ATP13A5: variants seen among roughly 807,000 people sequenced by gnomAD.
The protein encoded by ATP13A5 is probable cation-transporting ATPase 13A5.
A neutral mutation model predicts 150.2 loss-of-function variants in ATP13A5; 149 were observed. That is an observed-to-expected ratio of 0.99 (90% confidence interval 0.87 to 1.14). The LOEUF (loss-of-function observed/expected upper bound fraction) is 1.14, where lower values mean the gene tolerates loss of function less well. Among genes scored for constraint, ATP13A5 ranks in the 50% most tolerant of loss-of-function variants. The pLI is 0.00. For synonymous variants in ATP13A5, 497 were observed against 522.2 expected (o/e 0.95, Z 0.66); for missense variants, 1,383 against 1,449.3 (o/e 0.95, Z 0.74).
chr3:193,318,248 A>G (rs1719125733), intron 17 of ATP13A5, among the ~76,000 whole-genome samples: 1 of 152,242 alleles, frequency 6.6e-6, no homozygotes, highest in Admixed American at 6.5e-5. Context: ...TTTTACATGA[A>G]GGAGCTAGCT....
At position 193,327,022 on chromosome 3, in the gene ATP13A5, C is replaced by T; in HGVS notation, c.1497G>A (p.Trp499Ter). The T allele has an allele frequency of 6.2e-7, 1 of 1,612,696 alleles. No homozygotes were observed. The highest frequency in any genetic ancestry group is 8.5e-7 in the Non-Finnish European group (1 of 1,179,702). The stretch of plus-strand genomic sequence containing the variant: ...AGTTGTCAGCAGTAGGGACAGTCCC[C>T]CAGAGGTCCAGCCCATCTTCAGTGA... Reference protein sequence around the residue: ...GTLTEDGLDLWGTVPTADNCF... With the variant: ...GTLTEDGLDL Residue 499 changes from tryptophan to a stop codon, truncating the protein, a stop_gained, in exon 13 of 30, where the codon TGG becomes TGA. Transcript: ENST00000342358. LOFTEE classifies it high-confidence loss of function.
chr3:193,307,579 C>T (rs1056250181), intron 21 of ATP13A5, among the ~76,000 whole-genome samples: 6 of 152,200 alleles, frequency 3.9e-5, no homozygotes, highest in African/African-American at 1.4e-4. Flanking sequence ...CAATCAATCA[C>T]ATTGAAATGG....
At chr3:193,286,133 T>C (rs892422469) in intron 26 of ATP13A5, among the ~76,000 whole-genome samples, 2 of 152,238 alleles carry the variant, frequency 1.3e-5, no homozygotes, top group Non-Finnish European at 1.5e-5. Flanking sequence ...ATGTTCTTTT[T>C]TTTCAATAAT....
intron 9 of ATP13A5, among the ~76,000 whole-genome samples, chr3:193,337,602 G>A (rs1390358504): frequency 6.6e-6 from 1 of 152,066 alleles, no homozygotes; most frequent in African/African-American, 2.4e-5. Context: ...CTCTGTTTTG[G>A]TACCAGTACC....
At chr3:193,328,476 GAT>G (rs1711506680) in intron 12 of ATP13A5, among the ~76,000 whole-genome samples, 1 of 152,178 alleles carries the variant, frequency 6.6e-6, no homozygotes, top group Non-Finnish European at 1.5e-5. Flanking sequence ...AATTCAAACT[GAT>G]ATGTTTTCCT....
chr3:193,326,760 T>G (rs1264066073), intron 13 of ATP13A5, among the ~76,000 whole-genome samples: 1 of 152,246 alleles, frequency 6.6e-6, no homozygotes, highest in Non-Finnish European at 1.5e-5. Context: ...ATTTAGTTCC[T>G]TAATTATCCA....
At chr3:193,357,475 C>T (rs1274842765) in intron 5 of ATP13A5, among the ~76,000 whole-genome samples, 4 of 152,148 alleles carry the variant, frequency 2.6e-5, no homozygotes, top group African/African-American at 9.7e-5. Flanking sequence ...GTTTAGAGAT[C>T]ATGTACCCAT....
At chr3:193,374,273 T>C (rs943711016) in intron 1 of ATP13A5, among the ~76,000 whole-genome samples, 36 of 135,768 alleles carry the variant, frequency 2.7e-4, no homozygotes, top group African/African-American at 1.0e-3. Context: ...TGTGCATGTA[T>C]TTGCACACAC....
chr3:193,319,134 G>A, intron 16 of ATP13A5, 26 bp from the exon 17 acceptor site: 1 of 1,563,416 alleles, frequency 6.4e-7, no homozygotes. Context: ...AAACAGGTAA[G>A]TGTAAGGTCA....
At chr3:193,362,062 G>A (rs922325827) in intron 5 of ATP13A5, among the ~76,000 whole-genome samples, 1 of 152,132 alleles carries the variant, frequency 6.6e-6, no homozygotes, top group Non-Finnish European at 1.5e-5. Flanking sequence ...CCAGGATTTG[G>A]AAGATTACTA....
In ATP13A5 at chr3:193,343,980, C is replaced by T. The variant is rs758644099; in HGVS notation, c.890G>A (p.Cys297Tyr). 6.8e-6 allele frequency: 11 copies of T among 1,613,374 alleles called. No individual in the cohort carries two copies. The highest frequency in any genetic ancestry group is 2.7e-5 in the African/African-American group (2 of 74,884). The change falls in exon 9 of 30, where the codon TGT (cysteine) becomes TAT (tyrosine). Residue 297 changes from cysteine (C) to tyrosine (Y), a missense_variant. Around this residue, in one of 3 missense-constraint regions of ATP13A5, gnomAD observed 787 missense variants for 771.9 expected, o/e 1.02. Coordinates refer to ENST00000342358, the MANE Select transcript of ATP13A5 (RefSeq NM_198505.4). ...LILPGKFSLPCDAVLIDGSCV... is the reference protein window; with the variant it reads ...LILPGKFSLPYDAVLIDGSCV... ...GCTTCCATCAATCAAAACAGCATCA[C>T]ATGGCAATGAAAATTTTCCTGGAAG...
intron 24 of ATP13A5, among the ~76,000 whole-genome samples, chr3:193,300,119 G>T (rs140459463): frequency 2.6e-5 from 4 of 152,244 alleles, no homozygotes; most frequent in Admixed American, 1.3e-4. Flanking sequence ...GGCTGCCATT[G>T]GTTCCTCAGT....
At chr3:193,335,844 T>A (rs1283432167) in intron 9 of ATP13A5, among the ~76,000 whole-genome samples, 2 of 152,162 alleles carry the variant, frequency 1.3e-5, no homozygotes, top group Non-Finnish European at 2.9e-5. Flanking sequence ...TGCATTTCCT[T>A]TTATTGGCCC....
chr3:193,297,280 G>T (rs565321300), intron 25 of ATP13A5, among the ~76,000 whole-genome samples: 88 of 152,088 alleles, frequency 5.8e-4, no homozygotes, highest in Non-Finnish European at 1.2e-3. Context: ...CATAGTTCAG[G>T]CTTAATGTAA....
intron 5 of ATP13A5, 78 bp from the exon 6 acceptor site, chr3:193,354,274 T>C: frequency 7.9e-7 from 1 of 1,269,514 alleles, no homozygotes; most frequent in Non-Finnish European, 1.1e-6. Flanking sequence ...TAAACAGAAG[T>C]CATTTTTCTA....
intron 1 of ATP13A5, among the ~76,000 whole-genome samples, chr3:193,367,748 G>C (rs1290706690): frequency 1.3e-5 from 2 of 151,970 alleles, no homozygotes; most frequent in African/African-American, 4.8e-5. Flanking sequence ...AATAGATAGA[G>C]AAAAAGACTT....
intron 9 of ATP13A5, among the ~76,000 whole-genome samples, chr3:193,343,541 T>A (rs1278281531): frequency 6.6e-6 from 1 of 152,162 alleles, no homozygotes; most frequent in Non-Finnish European, 1.5e-5. Context: ...CTTCCAATTG[T>A]GGGAGTCATG....
chr3:193,348,740 A>G (rs1268108164), intron 7 of ATP13A5, among the ~76,000 whole-genome samples: 2 of 152,208 alleles, frequency 1.3e-5, no homozygotes, highest in East Asian at 3.9e-4. Flanking sequence ...ACTTCAATGT[A>G]GCTCAACAGA....
rs540288353 is a variant in ATP13A5 at position 193,308,712 on chromosome 3, A to G, written c.2526-1343T>C. Among the ~76,000 whole-genome samples, 19 of 152,302 alleles carry G rather than the reference A, an allele frequency of 1.2e-4. No individual in the cohort carries two copies. The East Asian group carries it at 3.7e-3, about 29-fold the overall frequency. On this transcript the variant is annotated intron_variant, in intron 21 of 29. Coordinates refer to ENST00000342358, the MANE Select transcript of ATP13A5 (RefSeq NM_198505.4). ...TATGCACATTGCCAATGACAAAGGC[A>G]TGAGGAGGAAGATTGGGATGTTGAG...
Sources: gnomAD v4.1 joint callset for allele counts (sites outside exome capture counted in the v4.1 genomes callset) on GRCh38, gnomAD v4.1.1 for gene constraint, gnomAD v4.1.1 regional missense constraint, MANE v1.5 for transcripts, NCBI Gene and HGNC (gene_info 2026-07-23, HGNC 2026-07-21) for gene names.